Variants in SEPTIN7 observed in about 807,000 individuals in gnomAD.
The protein encoded by SEPTIN7 is septin 7.
Under a neutral mutation model 63.3 loss-of-function variants are expected in SEPTIN7, and 10 were observed. The ratio of observed to expected loss-of-function variants is 0.16; its 90% CI spans 0.10 to 0.27. The LOEUF (loss-of-function observed/expected upper bound fraction) is 0.27. Ranked by LOEUF, SEPTIN7 falls within the 10% of genes least tolerant of loss-of-function variation. The pLI is 1.00. For missense variants in SEPTIN7, 310 were observed against 521.0 expected (o/e 0.59, Z 3.94); for synonymous variants, 131 against 165.3 (o/e 0.79, Z 1.59).
intron 1 of SEPTIN7, among the ~76,000 whole-genome samples, chr7:35,825,414 A>G (rs1783453420): frequency 6.6e-6 from 1 of 152,024 alleles, no homozygotes; most frequent in Non-Finnish European, 1.5e-5. Context: ...GCAGTTAATA[A>G]CTCAACTGAC....
At chr7:35,892,925 G>A (rs1012799100) in intron 11 of SEPTIN7, among the ~76,000 whole-genome samples, 3 of 152,118 alleles carry the variant, frequency 2.0e-5, no homozygotes, top group Non-Finnish European at 2.9e-5. Context: ...TAATAAATAG[G>A]AATTAGACTG....
chr7:35,882,301 T>TTA (rs1436334119), intron 7 of SEPTIN7, among the ~76,000 whole-genome samples, 183 bp from the exon 8 acceptor site: 1 of 142,562 alleles, frequency 7.0e-6, no homozygotes, highest in Non-Finnish European at 1.6e-5. Flanking sequence ...AACTTCATAG[T>TTA]TAAAAAAAAA....
chr7:35,868,097 C>T lies in SEPTIN7; in HGVS notation c.276+4439C>T, dbSNP rs539150329. 1.3e-4 allele frequency among the ~76,000 whole-genome samples: 19 copies of T among 151,974 alleles called. No individual in the cohort carries two copies. In the East Asian group the frequency reaches 1.6e-3, roughly 12 times the overall value. ...GTTGGCCAGGCTGGTCTCGAACTCC[C>T]GACCTCAACTGATCCTTCCACCTCA... On this transcript the variant is annotated intron_variant, in intron 4 of 13. Coordinates refer to ENST00000350320, the MANE Select transcript of SEPTIN7 (RefSeq NM_001788.6).
chr7:35,910,951 C>T (rs557316977), downstream of SEPTIN7, among the ~76,000 whole-genome samples: 30 of 152,296 alleles, frequency 2.0e-4, no homozygotes, highest in Admixed American at 1.2e-3. Flanking sequence ...AACCAGCAGT[C>T]GATTTGGATA....
intron 5 of SEPTIN7, among the ~76,000 whole-genome samples, chr7:35,873,322 C>T (rs1293310051): frequency 3.9e-5 from 6 of 151,930 alleles, no homozygotes; most frequent in Admixed American, 3.9e-4. Flanking sequence ...AAAGTAATCT[C>T]TCATTTGAAA....
intron 1 of SEPTIN7, among the ~76,000 whole-genome samples, chr7:35,818,473 A>T (rs1447700773): frequency 6.6e-6 from 1 of 152,018 alleles, no homozygotes; most frequent in Admixed American, 6.6e-5. Flanking sequence ...GGCCTCATAA[A>T]ATGAGTTGGG....
intron 10 of SEPTIN7, among the ~76,000 whole-genome samples, chr7:35,888,502 G>A (rs969174461): frequency 6.6e-6 from 1 of 151,994 alleles, no homozygotes; most frequent in African/African-American, 2.4e-5. Context: ...TTTCAGTGAT[G>A]CAGTGATGAT....
At chr7:35,836,877 T>C (rs1009140085) in intron 3 of SEPTIN7, among the ~76,000 whole-genome samples, 1 of 152,204 alleles carries the variant, frequency 6.6e-6, no homozygotes, top group Non-Finnish European at 1.5e-5. Flanking sequence ...TTTTGAGTTA[T>C]GATTTTAAGA....
chr7:35,883,786 A>ATTTTT, intron 8 of SEPTIN7, 105 bp from the exon 9 acceptor site: 1 of 419,862 alleles, frequency 2.4e-6, no homozygotes, highest in Non-Finnish European at 4.1e-6. Flanking sequence ...TCGAAAGTAA[A>ATTTTT]TTTTTTTTTT....
At chr7:35,808,627 C>T (rs1283492656) in intron 1 of SEPTIN7, among the ~76,000 whole-genome samples, 1 of 152,118 alleles carries the variant, frequency 6.6e-6, no homozygotes, top group Non-Finnish European at 1.5e-5. Flanking sequence ...AATGCTACTT[C>T]CTTTGGAGGG....
intron 3 of SEPTIN7, 43 bp from the exon 4 acceptor site, chr7:35,863,509 A>C: frequency 8.3e-7 from 1 of 1,208,578 alleles, no homozygotes. Flanking sequence ...AAGATTGCGT[A>C]AAGTGGGTGA....
chr7:35,843,059 T>C (rs1348091769), intron 3 of SEPTIN7, among the ~76,000 whole-genome samples: 1 of 152,190 alleles, frequency 6.6e-6, no homozygotes, highest in Non-Finnish European at 1.5e-5. Context: ...CCTCTGATGG[T>C]GAAAATACCA....
intron 3 of SEPTIN7, among the ~76,000 whole-genome samples, chr7:35,862,607 AG>A (rs958879376): frequency 2.0e-5 from 3 of 152,126 alleles, no homozygotes; most frequent in Non-Finnish European, 2.9e-5. Flanking sequence ...TCTCAGTCAA[AG>A]GGGTAAGCCC....
downstream of SEPTIN7, among the ~76,000 whole-genome samples, chr7:35,909,067 T>C (rs1166071171): frequency 6.6e-6 from 1 of 152,190 alleles, no homozygotes; most frequent in African/African-American, 2.4e-5. Context: ...ATGTGAGCTG[T>C]TTTCCCTGCA....
chr7:35,891,445 T>C (rs1160413712), intron 11 of SEPTIN7, among the ~76,000 whole-genome samples: 2 of 152,218 alleles, frequency 1.3e-5, no homozygotes, highest in African/African-American at 4.8e-5. Flanking sequence ...CCTTGCAGGC[T>C]ATAAACCTAT....
At chr7:35,900,572 C>G (rs1788261625) in intron 12 of SEPTIN7, 1 of 152,138 alleles carries the variant, frequency 6.6e-6, no homozygotes. Flanking sequence ...TCTGGAAAAT[C>G]TATATCCAAA....
chr7:35,888,870 T>C (rs947082189), intron 10 of SEPTIN7: 2 of 322,152 alleles, frequency 6.2e-6, no homozygotes, highest in African/African-American at 4.6e-5. Flanking sequence ...TAAATAAACA[T>C]TGTTTTATAT....
At chr7:35,882,341 G>T in intron 7 of SEPTIN7, 143 bp from the exon 8 acceptor site, 7 of 434,836 alleles carry the variant, frequency 1.6e-5, no homozygotes, top group Non-Finnish European at 1.8e-5. Context: ...TTTAATTTTA[G>T]ATTACAACTT....
downstream of SEPTIN7, among the ~76,000 whole-genome samples, chr7:35,908,727 C>A (rs1788683001): frequency 6.6e-6 from 1 of 152,146 alleles, no homozygotes; most frequent in African/African-American, 2.4e-5. Flanking sequence ...CCGCTTAGCT[C>A]CCTTTTGTCC....
Sources: allele counts gnomAD v4.1 joint callset (sites outside exome capture counted in the v4.1 genomes callset), GRCh38; gene constraint gnomAD v4.1.1; transcripts MANE v1.5; gene names NCBI Gene and HGNC (gene_info 2026-07-23, HGNC 2026-07-21).